The following MBD1 variants were observed in gnomAD, a reference collection of about 807,000 sequenced individuals.
MBD1 encodes methyl-CpG binding domain protein 1, also known as methyl-CpG-binding domain protein 1.
MBD1 carries 25 observed loss-of-function variants against 82.6 expected under a neutral mutation model. The ratio of observed to expected loss-of-function variants is 0.30; its 90% CI spans 0.22 to 0.42. The LOEUF is 0.42. MBD1 is among the 10% of genes least tolerant of loss of function. MBD1 has a pLI of 1.00. For synonymous variants in MBD1, 301 were observed against 303.7 expected, an observed-to-expected ratio of 0.99 and a Z score of 0.09; for missense variants, 627 against 819.6, an observed-to-expected ratio of 0.76 and a Z score of 2.87.
chr18:50,271,916 C>G (rs771052166), intron 15 of MBD1, among the ~76,000 whole-genome samples: 2 of 152,166 alleles, frequency 1.3e-5, no homozygotes, highest in African/African-American at 4.8e-5. Flanking sequence ...TAGTTTACAT[C>G]GCCAGTGTCT....
chr18:50,280,034 G>A lies in MBD1; in HGVS notation c.-25-17C>T. The A allele has an allele frequency of 2.5e-6, 4 of 1,591,072 alleles. No individual in the cohort carries two copies. The highest frequency in any genetic ancestry group is 1.3e-5 in the African/African-American group (1 of 74,774). ...AGCAGTAGCCTGAAAGGGGGTGGAA[G>A]GGATGAGGGAAACTGAGGCTCTAGG... On this transcript the variant is annotated splice_polypyrimidine_tract_variant and intron_variant, in intron 1 of 16. Coordinates refer to ENST00000269468, the MANE Select transcript of MBD1 (RefSeq NM_015846.4).
At chr18:50,272,566 G>A (rs1360610097) in intron 15 of MBD1, 111 bp downstream of exon 15, 4 of 1,151,592 alleles carry the variant, frequency 3.5e-6, no homozygotes, top group Non-Finnish European at 5.2e-6. Flanking sequence ...GTGGGTATGG[G>A]CCTTTACCTC....
Position 50,271,513 on chromosome 18 carries a change from A to T in MBD1, c.1806T>A (p.Ala602=). Residue 602 remains alanine, a synonymous_variant, in exon 16 of 17, where the codon GCT becomes GCA. Coordinates refer to ENST00000269468, the MANE Select transcript of MBD1 (RefSeq NM_015846.4). ...PRSKDLKKPG[A]RKQ ...AGAAGCCTCCAGTCTACTGCTTTCT[A>T]GCTCCAGGTTTTTTAAGGTCTTTGG... is the stretch of plus-strand genomic sequence containing the variant. 6.2e-7 allele frequency: 1 copy of T among 1,614,200 alleles called. No homozygotes were observed. Among genetic ancestry groups the T allele is most frequent in the Non-Finnish European group, 8.5e-7 (1 of 1,180,040 alleles).
chr18:50,276,865 G>A lies in MBD1; in HGVS notation c.359C>T (p.Thr120Ile), dbSNP rs929862724. 53 of 1,614,138 alleles carry A rather than the reference G, an allele frequency of 3.3e-5. No individual in the cohort carries two copies. The highest frequency in any genetic ancestry group is 4.3e-5 in the Non-Finnish European group (51 of 1,180,060). ...EAPRDETKAD[T>I]DTAPASFPAP... The stretch of plus-strand genomic sequence containing the variant: ...AGGGAATGAAGCTGGGGCTGTGTCA[G>A]TGTCAGCCTTGGTCTCATCCCTCGG... The change falls in exon 4 of 17, where the codon ACT (threonine) becomes ATT (isoleucine). Residue 120 changes from threonine to isoleucine, a missense_variant. Coordinates refer to ENST00000269468, the MANE Select transcript of MBD1 (RefSeq NM_015846.4).
chr18:50,281,658 GC>G (rs1222842488), upstream of MBD1: 3 of 437,436 alleles, frequency 6.9e-6, no homozygotes, highest in African/African-American at 6.1e-5. Context: ...CGGTGCGCGC[GC>G]CCCCCTGCCG....
At position 50,281,354 on chromosome 18, in the gene MBD1, C is replaced by T; in HGVS notation, c.-26+9G>A. On this transcript the variant is annotated intron_variant, in intron 1 of 16. Coordinates refer to ENST00000269468, the MANE Select transcript of MBD1 (RefSeq NM_015846.4). ...GCGCTCTCCACGTCCAGCCCCAAGG[C>T]TGTCTCACCAGTTTGGCACCAGGCC... 1 of 889,870 alleles carries T rather than the reference C, an allele frequency of 1.1e-6. No homozygotes were observed. Among genetic ancestry groups the T allele is most frequent in the Admixed American group, 2.0e-5 (1 of 48,844 alleles). 55.1% of individuals were successfully genotyped at this position (889,870 alleles called of 1,614,324 possible). A position where few individuals can be genotyped will look rare whatever the true frequency, so the allele number is the denominator to read the frequency against.
chr18:50,267,510 A>T (rs2034049696), downstream of MBD1: 2 of 928,486 alleles, frequency 2.2e-6, no homozygotes, highest in Non-Finnish European at 3.4e-6. Flanking sequence ...GTCACAGTGG[A>T]CCAGGGTCAG....
chr18:50,279,850 C>A (rs769835040), intron 2 of MBD1, 33 bp downstream of exon 2: 1 of 1,613,584 alleles, frequency 6.2e-7, no homozygotes, highest in Non-Finnish European at 8.5e-7. Flanking sequence ...GGCTCTACCC[C>A]ACTCCTGACT....
In MBD1 at chr18:50,275,223, C is replaced by G. The variant is rs767068057; in HGVS notation, c.815G>C (p.Gly272Ala). 7.4e-6 allele frequency: 12 copies of G among 1,614,030 alleles called. No homozygotes were observed. Among genetic ancestry groups the G allele is most frequent in the African/African-American group, 2.7e-5 (2 of 74,928 alleles). Residue 272 changes from glycine to alanine, a missense_variant, in exon 9 of 17, where the codon GGA becomes GCA. By Grantham distance (60) the Gly-to-Ala change is moderately conservative. Around this residue, in one of 6 missense-constraint regions of MBD1, gnomAD observed 228 missense variants for 318.1 expected, o/e 0.72. Coordinates refer to ENST00000269468, the MANE Select transcript of MBD1 (RefSeq NM_015846.4). ...GGCAGCCATCTTGGAGTCACAGCCT[C>G]CCTTGCGGCGGGCATGTTTACCCTG... ...CLRGKHARRK[G>A]GCDSKMAARR... is the part of the protein sequence containing the mutation.
intron 15 of MBD1, 135 bp downstream of exon 15, chr18:50,272,542 T>C (rs1161528736): frequency 5.3e-6 from 5 of 946,922 alleles, no homozygotes; most frequent in South Asian, 1.3e-5. Context: ...CCCTCATTAA[T>C]TGTGACCAGC....
chr18:50,270,103 GT>G (rs758754409), intron 16 of MBD1: 12 of 1,598,298 alleles, frequency 7.5e-6, no homozygotes, highest in Middle Eastern at 3.3e-4. Flanking sequence ...AAACAAAGCA[GT>G]ATCAGTCTAT....
downstream of MBD1, chr18:50,267,657 G>A (rs1353465903): frequency 2.0e-6 from 3 of 1,535,762 alleles, no homozygotes; most frequent in Admixed American, 5.9e-5. Flanking sequence ...GAGCAAGGTG[G>A]TAATACCTAA....
At chr18:50,281,093 G>A in intron 1 of MBD1, 1 of 1,439,690 alleles carries the variant, frequency 6.9e-7, no homozygotes, top group Non-Finnish European at 9.4e-7. Context: ...CAGATGCCCC[G>A]ATGTCTCCCT....
Position 50,271,679 on chromosome 18 carries a change from A to G in MBD1, c.1779-139T>C, listed in dbSNP as rs1282835191. 3.2e-6 allele frequency: 3 copies of G among 929,900 alleles called. No homozygotes were observed. In the East Asian group the frequency reaches 7.5e-5, roughly 23 times the overall value. 57.6% of individuals were successfully genotyped at this position (929,900 alleles called of 1,614,324 possible). A position where few individuals can be genotyped will look rare whatever the true frequency, so the allele number is the denominator to read the frequency against. ...TCCTTTATCTTTTTTTATATCTTCT[A>G]AAAACTACCATTATAGACAGCTTGT... On this transcript the variant is annotated intron_variant, in intron 15 of 16. Coordinates refer to ENST00000269468, the MANE Select transcript of MBD1 (RefSeq NM_015846.4).
rs779715527 is a variant in MBD1 at position 50,272,910 on chromosome 18, G to T, written c.1630C>A (p.Pro544Thr). ...LPSVKQEPPD[P>T]EEDKEENKDD... ...TTGTTCTCCTCCTTGTCCTCCTCTGGGTCAGGTGGCTCTTGCTTCACAGAA... is the reference window on the plus strand; with the variant it reads ...TTGTTCTCCTCCTTGTCCTCCTCTGTGTCAGGTGGCTCTTGCTTCACAGAA... Residue 544 changes from proline to threonine, a missense_variant, in exon 14 of 17, where the codon CCA becomes ACA. Pro to Thr is a conservative substitution (Grantham distance 38). Coordinates refer to ENST00000269468, the MANE Select transcript of MBD1 (RefSeq NM_015846.4). 1.9e-6 allele frequency: 3 copies of T among 1,614,066 alleles called. No homozygotes were observed. Among genetic ancestry groups the T allele is most frequent in the Admixed American group, 1.7e-5 (1 of 60,002 alleles).
At chr18:50,279,459 C>A (rs1452642104) in intron 2 of MBD1, among the ~76,000 whole-genome samples, 1 of 152,198 alleles carries the variant, frequency 6.6e-6, no homozygotes, top group Non-Finnish European at 1.5e-5. Flanking sequence ...ACGACATAGT[C>A]TTCTCACAGA....
rs116966393 is a variant in MBD1, at chr18:50,277,367, A to G, written c.111-163T>C. On this transcript the variant is annotated intron_variant, in intron 2 of 16. Transcript: ENST00000269468. ...TAACCTTGAAAACATAAAAAAATTA[A>G]TATAAATACCAACACATATAGAAAC... Among the ~76,000 whole-genome samples the G allele has an allele frequency of 7.1e-3, 1,081 of 152,330 alleles. 27 individuals are homozygous for G. The highest frequency in any genetic ancestry group is 0.067 in the East Asian group (348 of 5,180).
At chr18:50,278,590 A>G (rs2038991821) in intron 2 of MBD1, among the ~76,000 whole-genome samples, 1 of 152,264 alleles carries the variant, frequency 6.6e-6, no homozygotes, top group South Asian at 2.1e-4. Context: ...GTAATTTGAT[A>G]TTTACCTGGA....
intron 2 of MBD1, among the ~76,000 whole-genome samples, chr18:50,277,839 ACTGTCTT>A (rs759569992): frequency 4.3e-4 from 65 of 152,200 alleles, no homozygotes; most frequent in Admixed American, 9.2e-4. Flanking sequence ...AAGCATACTT[ACTGTCTT>A]AATATTATTT....
Sources: gnomAD v4.1 joint callset for allele counts (sites outside exome capture counted in the v4.1 genomes callset) on GRCh38, gnomAD v4.1.1 for gene constraint, gnomAD v4.1.1 regional missense constraint, MANE v1.5 for transcripts, NCBI Gene and HGNC (gene_info 2026-07-23, HGNC 2026-07-21) for gene names.